LYPLA1: variants seen among roughly 807,000 people sequenced by gnomAD.
LYPLA1 encodes acyl-protein thioesterase 1.
In LYPLA1, 17 loss-of-function variants were observed where a neutral mutation model predicts 34.0. That is an observed-to-expected ratio of 0.50 (90% confidence interval 0.34 to 0.75). The LOEUF is 0.75. Among genes scored for constraint, LYPLA1 ranks in the 30% least tolerant of loss-of-function variants. The pLI, the probability that LYPLA1 is intolerant of heterozygous loss-of-function variation, is 0.01. For synonymous variants in LYPLA1, 98 were observed against 100.8 expected (o/e 0.97, Z 0.17); for missense variants, 203 against 288.8 (o/e 0.70, Z 2.15).
intron 2 of LYPLA1, among the ~76,000 whole-genome samples, chr8:54,080,578 A>G (rs1339403919): frequency 6.6e-6 from 1 of 152,196 alleles, no homozygotes; most frequent in East Asian, 1.9e-4. Context: ...AAAAATGTAA[A>G]TATATTTATT....
In LYPLA1 at chr8:54,062,489, CTATTTATTTATTTATT is replaced by C. The variant is rs200422693; in HGVS notation, c.216-181_216-166del. Among the ~76,000 whole-genome samples, 1,298 of 149,008 alleles carry C rather than the reference CTATTTATTTATTTATT, an allele frequency of 8.7e-3. 11 individuals carry two copies. The highest frequency in any genetic ancestry group is 0.012 in the Non-Finnish European group (822 of 67,450). On this transcript the variant is annotated intron_variant, in intron 4 of 8. Transcript: ENST00000316963. The stretch of plus-strand genomic sequence containing the variant: ...ATTTATTTTTTGAGACGAAGTCTCA[CTATTTATTTATTTATT>C]TATTTATTTATTTATTTATTTTTTG...
At chr8:54,062,463 AATTT>A (rs1366849026) in intron 4 of LYPLA1, 139 bp from the exon 5 acceptor site, 11 of 321,058 alleles carry the variant, frequency 3.4e-5, no homozygotes, top group South Asian at 2.8e-4. Context: ...CTATTTAATT[AATTT>A]ATTTTTTGAG....
At chr8:54,075,408 A>G (rs1807813523) in intron 2 of LYPLA1, among the ~76,000 whole-genome samples, 1 of 152,250 alleles carries the variant, frequency 6.6e-6, no homozygotes, top group Non-Finnish European at 1.5e-5. Context: ...ATGCCGAGTA[A>G]GAGACCCGGG....
At chr8:54,091,374 G>T (rs1233252416) in intron 2 of LYPLA1, among the ~76,000 whole-genome samples, 2 of 152,002 alleles carry the variant, frequency 1.3e-5, no homozygotes, top group African/African-American at 4.8e-5. Flanking sequence ...TGTAATCCCA[G>T]CTACTCAGAA....
intron 5 of LYPLA1, among the ~76,000 whole-genome samples, chr8:54,057,224 T>C (rs531077828): frequency 6.6e-6 from 1 of 152,262 alleles, no homozygotes; most frequent in South Asian, 2.1e-4. Flanking sequence ...AAAATTGAGC[T>C]ACCATATGAA....
chr8:54,094,577 G>A (rs911142701), intron 2 of LYPLA1, among the ~76,000 whole-genome samples: 1 of 152,198 alleles, frequency 6.6e-6, no homozygotes, highest in African/African-American at 2.4e-5. Context: ...ACTGATATGT[G>A]TGTACATATG....
intron 2 of LYPLA1, among the ~76,000 whole-genome samples, chr8:54,067,801 T>C (rs990755992): frequency 6.6e-6 from 1 of 150,998 alleles, no homozygotes; most frequent in East Asian, 2.0e-4. Flanking sequence ...GCTCACACCA[T>C]TCTCCTGCCT....
At chr8:54,067,352 T>A (rs749431439) in intron 2 of LYPLA1, among the ~76,000 whole-genome samples, 6 of 151,846 alleles carry the variant, frequency 4.0e-5, no homozygotes, top group South Asian at 2.1e-4. Flanking sequence ...GAAAAAAAAA[T>A]TTTTTAATCC....
chr8:54,076,024 T>C (rs527575734), intron 2 of LYPLA1, among the ~76,000 whole-genome samples: 23 of 152,218 alleles, frequency 1.5e-4, no homozygotes, highest in African/African-American at 5.5e-4. Flanking sequence ...GGTCAGATGG[T>C]AGAAATGATA....
In LYPLA1 at chr8:54,048,090, T is replaced by A; in HGVS notation, c.668A>T (p.Asp223Val). Residue 223 changes from aspartate (D) to valine (V), a missense_variant, in exon 9 of 9, where the codon GAT becomes GTT. Asp to Val is a radical substitution (Grantham distance 152). Coordinates refer to ENST00000316963, the MANE Select transcript of LYPLA1 (RefSeq NM_006330.4). The stretch of plus-strand genomic sequence containing the variant: ...TCAATCAATTGGAGGTAGGAGTTTA[T>A]CAATGAATTGCTTGACATCCATCAT... ...QEMMDVKQFI[D>V]KLLPPID is the part of the protein sequence containing the mutation. 1.2e-6 allele frequency: 2 copies of A among 1,610,158 alleles called. No homozygotes were observed. Among genetic ancestry groups the A allele is most frequent in the South Asian group, 2.2e-5 (2 of 90,946 alleles).
chr8:54,062,261 T>C lies in LYPLA1; in HGVS notation c.279A>G (p.Ala93=), dbSNP rs764013665. 3.1e-6 allele frequency: 5 copies of C among 1,602,658 alleles called. No homozygotes were observed. The highest frequency in any genetic ancestry group is 1.7e-6 in the Non-Finnish European group (2 of 1,172,888). ...AACATTTTCTGTACTTACTATTTTC[T>C]GCTGCCTGTTTAATCCCAGATTCAT... ...QEDESGIKQA[A]ENIKALIDQE... Residue 93 remains alanine, a synonymous_variant, in exon 5 of 9, where the codon GCA becomes GCG. Coordinates refer to ENST00000316963, the MANE Select transcript of LYPLA1 (RefSeq NM_006330.4).
chr8:54,078,392 A>C (rs889070717), intron 2 of LYPLA1, among the ~76,000 whole-genome samples: 6 of 152,248 alleles, frequency 3.9e-5, no homozygotes, highest in Admixed American at 3.3e-4. Context: ...TAATAGTTGC[A>C]AAGCAAAGCA....
intron 2 of LYPLA1, among the ~76,000 whole-genome samples, chr8:54,091,504 A>G (rs905198909): frequency 2.6e-5 from 4 of 151,078 alleles, no homozygotes; most frequent in Non-Finnish European, 4.4e-5. Flanking sequence ...AAAAGAAAAG[A>G]AAAGGAAAGG....
chr8:54,047,429 A>G lies in LYPLA1; in HGVS notation c.*636T>C, dbSNP rs1431943049. ...TTTTTTTTTCTTGAGAGAAAAGAGT[A>G]TTAAATAGAAATAATATCAGGGAAA... On this transcript the variant is annotated 3_prime_UTR_variant, in exon 9 of 9. Coordinates refer to ENST00000316963, the MANE Select transcript of LYPLA1 (RefSeq NM_006330.4). 1 of 152,124 alleles carries G rather than the reference A, an allele frequency of 6.6e-6. No individual in the cohort carries two copies. The highest frequency in any genetic ancestry group is 1.5e-5 in the Non-Finnish European group (1 of 67,984). 9.4% of individuals were successfully genotyped at this position (152,124 alleles called of 1,614,324 possible).
At chr8:54,073,020 T>C (rs922054383) in intron 2 of LYPLA1, 6 of 398,926 alleles carry the variant, frequency 1.5e-5, no homozygotes, top group Non-Finnish European at 2.4e-5. Flanking sequence ...GAAATGCAAA[T>C]CAAAACCACA....
intron 3 of LYPLA1, among the ~76,000 whole-genome samples, chr8:54,064,975 T>C (rs1277272706): frequency 2.6e-5 from 4 of 152,182 alleles, no homozygotes; most frequent in African/African-American, 9.7e-5. Flanking sequence ...AATGTGCCAA[T>C]CTTATTGATC....
At chr8:54,101,250 C>T in intron 1 of LYPLA1, 4 of 722,104 alleles carry the variant, frequency 5.5e-6, no homozygotes, top group Non-Finnish European at 7.3e-6. Flanking sequence ...GAACATCTCA[C>T]ATATCCTGTA....
chr8:54,096,401 G>A (rs1181810681), intron 2 of LYPLA1, among the ~76,000 whole-genome samples: 1 of 152,042 alleles, frequency 6.6e-6, no homozygotes, highest in Non-Finnish European at 1.5e-5. Flanking sequence ...TCAGGAGTTC[G>A]AGACCAGCTT....
intron 2 of LYPLA1, among the ~76,000 whole-genome samples, chr8:54,079,517 A>C (rs1808153242): frequency 6.6e-6 from 1 of 152,136 alleles, no homozygotes; most frequent in Admixed American, 6.6e-5. Flanking sequence ...AAGATAAAAA[A>C]CTAGACTGGG....
Sources: allele counts gnomAD v4.1 joint callset (sites outside exome capture counted in the v4.1 genomes callset), GRCh38; gene constraint gnomAD v4.1.1; transcripts MANE v1.5; gene names NCBI Gene and HGNC (gene_info 2026-07-23, HGNC 2026-07-21).